DACH2: variants seen among roughly 807,000 people sequenced by gnomAD.
DACH2 encodes the protein dachshund homolog 2.
A neutral mutation model predicts 35.8 loss-of-function variants in DACH2; 17 were observed. The ratio of observed to expected loss-of-function variants is 0.48; its 90% CI spans 0.33 to 0.71. The LOEUF is 0.71. DACH2 is among the 30% of genes least tolerant of loss of function. The probability of loss-of-function intolerance (pLI) is 0.02; values close to 1 mark genes in which losing one functional copy is unlikely to be tolerated. For synonymous variants in DACH2, 195 were observed against 177.3 expected, an observed-to-expected ratio of 1.10 and a Z score of -0.79; for missense variants, 469 against 472.7, an observed-to-expected ratio of 0.99 and a Z score of 0.07.
chrX:86,667,727 G>A (rs928220110), intron 4 of DACH2, among the ~76,000 whole-genome samples: 4 of 111,626 alleles, frequency 3.6e-5, no homozygotes, highest in African/African-American at 1.3e-4. Context: ...TTCAAATGAG[G>A]AGACTTCTCT....
chrX:86,218,521 G>A (rs745783889), intron 1 of DACH2, among the ~76,000 whole-genome samples: 7 of 111,361 alleles, frequency 6.3e-5, no homozygotes, highest in South Asian at 7.4e-4. Flanking sequence ...CAGCACTATC[G>A]CATTTATTGT....
At chrX:86,527,486 A>G (rs1324164701) in intron 3 of DACH2, among the ~76,000 whole-genome samples, 1 of 112,275 alleles carries the variant, frequency 8.9e-6, no homozygotes, top group Non-Finnish European at 1.9e-5. Context: ...CCTTTAGCAT[A>G]ATTTTATTGA....
chrX:86,796,165 G>T (rs185692500), intron 7 of DACH2, among the ~76,000 whole-genome samples: 84 of 111,491 alleles, frequency 7.5e-4, no homozygotes, highest in African/African-American at 2.6e-3. Context: ...TTTTTACAGA[G>T]TGCTGCTTGG....
At chrX:86,733,574 C>T (rs2041557856) in intron 6 of DACH2, among the ~76,000 whole-genome samples, 1 of 111,813 alleles carries the variant, frequency 8.9e-6, no homozygotes, top group Non-Finnish European at 1.9e-5. Context: ...AAATACCTTA[C>T]TGGTATGGAA....
intron 1 of DACH2, among the ~76,000 whole-genome samples, chrX:86,348,627 CT>C (rs1386976185): frequency 5.5e-5 from 6 of 109,851 alleles, no homozygotes; most frequent in African/African-American, 9.9e-5. Flanking sequence ...TTAATATTTT[CT>C]TTTTTTTTAA....
At chrX:86,589,006 G>A (rs1265667156) in intron 3 of DACH2, among the ~76,000 whole-genome samples, 1 of 111,418 alleles carries the variant, frequency 9.0e-6, no homozygotes, top group Non-Finnish European at 1.9e-5. Context: ...ATTTGTCATA[G>A]ATGCTTTTTA....
intron 1 of DACH2, among the ~76,000 whole-genome samples, chrX:86,199,066 C>A (rs1368862206): frequency 1.8e-5 from 2 of 110,911 alleles, no homozygotes; most frequent in South Asian, 7.7e-4. Flanking sequence ...GCTTACCCAC[C>A]ATGATCAAGT....
At chrX:86,378,588 C>A (rs1227501267) in intron 2 of DACH2, among the ~76,000 whole-genome samples, 2 of 110,818 alleles carry the variant, frequency 1.8e-5, no homozygotes, top group South Asian at 7.5e-4. Flanking sequence ...TTCTCCAATT[C>A]TTAAATGTTG....
At chrX:86,617,410 A>C (rs532225611) in intron 3 of DACH2, among the ~76,000 whole-genome samples, 1 of 111,477 alleles carries the variant, frequency 9.0e-6, no homozygotes, top group Non-Finnish European at 1.9e-5. Context: ...AGCTACAAGC[A>C]CGAGATGTTT....
intron 1 of DACH2, among the ~76,000 whole-genome samples, chrX:86,336,839 G>A: frequency 9.1e-6 from 1 of 109,407 alleles, no homozygotes; most frequent in Non-Finnish European, 1.9e-5. Context: ...AAACAGGTTA[G>A]ACCAATTGCT....
intron 1 of DACH2, among the ~76,000 whole-genome samples, chrX:86,294,023 C>G (rs1305833168): frequency 8.9e-6 from 1 of 111,758 alleles, no homozygotes; most frequent in Non-Finnish European, 1.9e-5. Context: ...GAGTGTTTTC[C>G]AACTTGGTTC....
rs146116894 is a variant in DACH2, at chrX:86,356,074, G to A, written c.489-20750G>A. Among the ~76,000 whole-genome samples, 49 of 110,981 alleles carry A rather than the reference G, an allele frequency of 4.4e-4. No individual in the cohort carries two copies. The East Asian group carries it at 0.012, about 26-fold the overall frequency. On this transcript the variant is annotated intron_variant, in intron 1 of 11. Transcript: ENST00000373125. ...GTCAATATTTCCTTTTTTTGCAATT[G>A]CTTTCAGTGTGTTCATTATGAAATC... is the stretch of plus-strand genomic sequence containing the variant.
At chrX:86,747,091 C>T (rs2041720775) in intron 7 of DACH2, among the ~76,000 whole-genome samples, 1 of 111,465 alleles carries the variant, frequency 9.0e-6, no homozygotes, top group African/African-American at 3.3e-5. Context: ...ATCTTGATTA[C>T]TATAGCTTTA....
At chrX:86,215,894 T>A (rs763722732) in intron 1 of DACH2, among the ~76,000 whole-genome samples, 10 of 112,543 alleles carry the variant, frequency 8.9e-5, no homozygotes, top group East Asian at 2.8e-4. Context: ...ATTAAAGCAA[T>A]CCTTAGCAAC....
intron 2 of DACH2, among the ~76,000 whole-genome samples, chrX:86,498,809 G>A (rs1274502349): frequency 9.0e-6 from 1 of 111,391 alleles, no homozygotes; most frequent in African/African-American, 3.3e-5. Context: ...TTTATTTTTT[G>A]CCTGCCTGTT....
At chrX:86,701,381 C>T (rs141232734) in intron 5 of DACH2, among the ~76,000 whole-genome samples, 5,341 of 111,316 alleles carry the variant, frequency 0.048, 326 homozygotes, top group African/African-American at 0.17. Context: ...AGAGCCATCT[C>T]TGACAAACCC....
chrX:86,319,910 A>C (rs1404955119), intron 1 of DACH2, among the ~76,000 whole-genome samples: 1 of 111,740 alleles, frequency 8.9e-6, no homozygotes, highest in African/African-American at 3.3e-5. Context: ...TCATTTGCTA[A>C]TTTCCCAATT....
At chrX:86,710,912 C>T (rs759245471) in intron 5 of DACH2, among the ~76,000 whole-genome samples, 8 of 111,745 alleles carry the variant, frequency 7.2e-5, no homozygotes, top group Non-Finnish European at 1.3e-4. Context: ...CTGGTAGTCA[C>T]TGTAGAAATG....
intron 1 of DACH2, among the ~76,000 whole-genome samples, chrX:86,212,355 A>T: frequency 9.0e-6 from 1 of 111,583 alleles, no homozygotes; most frequent in East Asian, 2.8e-4. Context: ...TATTTTATTA[A>T]CTAATATTCT....
Sources: gnomAD v4.1 joint callset for allele counts (sites outside exome capture counted in the v4.1 genomes callset) on GRCh38, gnomAD v4.1.1 for gene constraint, MANE v1.5 for transcripts, NCBI Gene and HGNC (gene_info 2026-07-23, HGNC 2026-07-21) for gene names.